The following ANKRD36C variants were observed in gnomAD, a reference collection of about 807,000 sequenced individuals.
The protein encoded by ANKRD36C is ankyrin repeat domain-containing protein 36C.
In ANKRD36C, 61 loss-of-function variants were observed where a neutral mutation model predicts 276.4. The observed-to-expected ratio is 0.22, with a 90% CI of 0.18 to 0.27. The LOEUF (loss-of-function observed/expected upper bound fraction) is 0.27. ANKRD36C is among the 10% of genes least tolerant of loss of function. The probability of loss-of-function intolerance (pLI) is 1.00; values close to 1 mark genes in which losing one functional copy is unlikely to be tolerated. For missense variants in ANKRD36C, 1,447 were observed against 2,032.3 expected (o/e 0.71, Z 5.54); for synonymous variants, 483 against 680.1 (o/e 0.71, Z 4.51).
At chr2:95,902,212 C>T (rs1166552581) in intron 42 of ANKRD36C, among the ~76,000 whole-genome samples, 1 of 149,488 alleles carries the variant, frequency 6.7e-6, no homozygotes, top group Admixed American at 6.7e-5. Context: ...ATCTCTGATG[C>T]CTCCTAGTAA....
intron 59 of ANKRD36C, among the ~76,000 whole-genome samples, chr2:95,873,649 T>G (rs1675868366): frequency 1.3e-5 from 2 of 152,244 alleles, no homozygotes; most frequent in Non-Finnish European, 1.5e-5. Context: ...ACCACTCCTA[T>G]TCAACATAGT....
intron 42 of ANKRD36C, 34 bp downstream of exon 54, chr2:95,902,852 C>T: frequency 6.5e-7 from 1 of 1,537,432 alleles, no homozygotes; most frequent in Non-Finnish European, 8.8e-7. Context: ...TCTATCTGGA[C>T]TGAACATGAC....
At chr2:95,917,377 G>A (rs765372046) in intron 36 of ANKRD36C, among the ~76,000 whole-genome samples, 4 of 151,534 alleles carry the variant, frequency 2.6e-5, no homozygotes, top group Non-Finnish European at 5.9e-5. Context: ...CTTCCTGTCT[G>A]ACAATCCATC....
At chr2:95,938,576 G>T (rs544376391) in intron 22 of ANKRD36C, among the ~76,000 whole-genome samples, 1 of 152,246 alleles carries the variant, frequency 6.6e-6, no homozygotes, top group Admixed American at 6.5e-5. Flanking sequence ...AACATGCAAA[G>T]GAATTCAACA....
chr2:95,879,095 G>A (rs1254258311), intron 58 of ANKRD36C, among the ~76,000 whole-genome samples: 1 of 152,148 alleles, frequency 6.6e-6, no homozygotes. Flanking sequence ...TTCTAAAAAT[G>A]TGATACATAT....
chr2:95,969,771 G>A (rs1008193491), intron 6 of ANKRD36C, among the ~76,000 whole-genome samples: 15 of 152,278 alleles, frequency 9.9e-5, no homozygotes, highest in Admixed American at 5.9e-4. Flanking sequence ...AGTGCAGAAA[G>A]TAGGGTGACT....
chr2:95,964,260 T>C (rs1403999999), intron 6 of ANKRD36C, among the ~76,000 whole-genome samples: 5 of 151,360 alleles, frequency 3.3e-5, no homozygotes, highest in Non-Finnish European at 4.4e-5. Context: ...ATATCATTGA[T>C]GTGCAAAACT....
At chr2:95,951,296 AAC>A in intron 15 of ANKRD36C, 50 bp downstream of exon 15, 8 of 1,391,042 alleles carry the variant, frequency 5.8e-6, no homozygotes, top group Non-Finnish European at 6.8e-6. Flanking sequence ...AAAAAAAAAA[AAC>A]AAATGAAGAA....
chr2:95,978,891 A>C (rs1405724183), intron 5 of ANKRD36C, among the ~76,000 whole-genome samples: 3 of 152,078 alleles, frequency 2.0e-5, no homozygotes, highest in Non-Finnish European at 4.4e-5. Context: ...TTCCAAGGGC[A>C]GAAAACTAAC....
intron 65 of ANKRD36C, 86 bp from the exon 86 acceptor site, chr2:95,851,873 T>A (rs1675299894): frequency 2.2e-6 from 3 of 1,383,762 alleles, no homozygotes; most frequent in Non-Finnish European, 2.9e-6. Context: ...GAAGGTATAA[T>A]TACACAAATT....
chr2:95,927,034 C>G (rs920306835), intron 28 of ANKRD36C, among the ~76,000 whole-genome samples, 180 bp downstream of exon 28: 6 of 151,504 alleles, frequency 4.0e-5, no homozygotes, highest in African/African-American at 1.5e-4. Flanking sequence ...AGTCTATAAT[C>G]TTACTGCAAA....
rs748178184 is a variant in ANKRD36C, at chr2:95,921,592, C to G, written c.2245+15G>C. On this transcript the variant is annotated intron_variant, in intron 34 of 66. Transcript: ENST00000456556. ...CTGGATTGAACATGACATTAAATGT[C>G]TTTTGCAAAATTACCTGTCCCAGAT... 3.7e-6 allele frequency: 6 copies of G among 1,601,112 alleles called. No homozygotes were observed. In the African/African-American group the frequency reaches 5.4e-5, roughly 14 times the overall value.
chr2:95,879,960 C>T (rs1676039828), intron 58 of ANKRD36C, among the ~76,000 whole-genome samples: 1 of 141,692 alleles, frequency 7.1e-6, no homozygotes, highest in African/African-American at 2.7e-5. Context: ...GCGGGAGGAT[C>T]ACCTGAGGTC....
At chr2:95,892,474 C>G (rs374498956) in intron 44 of ANKRD36C, among the ~76,000 whole-genome samples, 26 of 151,596 alleles carry the variant, frequency 1.7e-4, no homozygotes, top group East Asian at 7.8e-4. Context: ...TAAGTTTCTT[C>G]TATCCACTAC....
intron 25 of ANKRD36C, 21 bp downstream of exon 25, chr2:95,929,218 T>C (rs62153708): frequency 3.2e-5 from 51 of 1,593,478 alleles, no homozygotes; most frequent in South Asian, 2.2e-5. Context: ...TAGTTCAACA[T>C]ATAAATGAGA....
chr2:95,871,038 G>C (rs1675798277), intron 59 of ANKRD36C, among the ~76,000 whole-genome samples: 1 of 152,174 alleles, frequency 6.6e-6, no homozygotes, highest in Non-Finnish European at 1.5e-5. Context: ...ATCTACATCT[G>C]ATTGGTGTAC....
At chr2:95,913,186 G>C (rs1160898837) in intron 40 of ANKRD36C, among the ~76,000 whole-genome samples, 1 of 149,402 alleles carries the variant, frequency 6.7e-6, no homozygotes, top group Non-Finnish European at 1.5e-5. Flanking sequence ...ACAAGCATTA[G>C]ATATTAATCA....
intron 13 of ANKRD36C, among the ~76,000 whole-genome samples, chr2:95,956,124 G>A (rs1678321360): frequency 6.6e-6 from 1 of 152,218 alleles, no homozygotes; most frequent in South Asian, 2.1e-4. Flanking sequence ...AAATGAATTA[G>A]AAATATCATT....
intron 52 of ANKRD36C, 69 bp downstream of exon 72, chr2:95,885,979 A>G (rs1260753532): frequency 1.2e-5 from 18 of 1,563,772 alleles, no homozygotes; most frequent in Non-Finnish European, 1.6e-5. Context: ...CCCCCCGCTG[A>G]TTTATTTGGG....
Sources: allele counts gnomAD v4.1 joint callset (sites outside exome capture counted in the v4.1 genomes callset), GRCh38; gene constraint gnomAD v4.1.1; transcripts MANE v1.5; gene names NCBI Gene and HGNC (gene_info 2026-07-23, HGNC 2026-07-21).